Variants in ESR2 observed in about 807,000 individuals in gnomAD.
ESR2 encodes the protein estrogen receptor 2.
Under a neutral mutation model 49.6 loss-of-function variants are expected in ESR2, and 36 were observed. The ratio of observed to expected loss-of-function variants is 0.73; its 90% CI spans 0.56 to 0.96. The LOEUF is 0.96. ESR2 is among the 40% of genes least tolerant of loss of function. The pLI is 0.00. For missense variants in ESR2, 714 were observed against 693.0 expected (o/e 1.03, Z -0.34); for synonymous variants, 320 against 266.1 (o/e 1.20, Z -1.97).
intron 7 of ESR2, among the ~76,000 whole-genome samples, chr14:64,246,939 A>T (rs1420081736): frequency 6.6e-6 from 1 of 151,960 alleles, no homozygotes; most frequent in Admixed American, 6.6e-5. Context: ...TTAACTAGGA[A>T]ATGCTCAAAG....
intron 5 of ESR2, 183 bp downstream of exon 5, chr14:64,260,266 G>A (rs79321532): frequency 7.5e-5 from 58 of 777,264 alleles, no homozygotes; most frequent in Non-Finnish European, 1.3e-4. Flanking sequence ...CGGCCTTGTT[G>A]AAGGTAGGTA....
chr14:64,227,665 T>G (rs572063610), downstream of ESR2: 2 of 1,613,076 alleles, frequency 1.2e-6, no homozygotes, highest in South Asian at 1.1e-5. Flanking sequence ...GGAAGTGTGG[T>G]CTGCATTTCA....
intron 3 of ESR2, among the ~76,000 whole-genome samples, chr14:64,274,938 T>C (rs2076527551): frequency 6.6e-6 from 1 of 152,228 alleles, no homozygotes; most frequent in South Asian, 2.1e-4. Flanking sequence ...TCTAGTTTTA[T>C]TCCATTGTGG....
intron 3 of ESR2, among the ~76,000 whole-genome samples, chr14:64,279,578 T>G (rs2140807221): frequency 6.6e-6 from 1 of 152,350 alleles, no homozygotes; most frequent in East Asian, 1.9e-4. Flanking sequence ...TGTTTATTCT[T>G]TCTTCCTCAG....
chr14:64,229,537 C>A lies in ESR2; in HGVS notation c.*3600G>T, dbSNP rs181936723. On this transcript the variant is annotated 3_prime_UTR_variant, in exon 9 of 9. Transcript: ENST00000341099. ...AGGTAAGGGGGTATCACAAGGGGGC[C>A]CCATTTAAATCACAGCAGCCGTGCA... is the stretch of plus-strand genomic sequence containing the variant. Among the ~76,000 whole-genome samples the A allele has an allele frequency of 6.6e-6, 1 of 152,154 alleles. No individual in the cohort carries two copies. The highest frequency in any genetic ancestry group is 6.5e-5 in the Admixed American group (1 of 15,270).
chr14:64,260,671 T>A lies in ESR2; in HGVS notation c.730A>T (p.Lys244Ter). Residue 244 changes from lysine (K) to a stop codon, truncating the protein, a stop_gained, in exon 5 of 9, where the codon AAG becomes TAG. Coordinates refer to ENST00000341099, the MANE Select transcript of ESR2 (RefSeq NM_001437.3). LOFTEE classifies it high-confidence loss of function. ...SADEQLHCAG[K>*]AKRSGGHAPR... is the part of the protein sequence containing the mutation. ...GCGTGGCCGCCACTTCTCTTGGCCTTGCCGGCACAGTGCAGCTGCTCGTCG... is the reference window on the plus strand; with the variant it reads ...GCGTGGCCGCCACTTCTCTTGGCCTAGCCGGCACAGTGCAGCTGCTCGTCG... 6.3e-7 allele frequency: 1 copy of A among 1,583,294 alleles called. No homozygotes were observed. Among genetic ancestry groups the A allele is most frequent in the South Asian group, 1.1e-5 (1 of 87,590 alleles).
At chr14:64,330,730 T>A (rs2077445052) in intron 1 of ESR2, 1 of 152,120 alleles carries the variant, frequency 6.6e-6, no homozygotes, top group African/African-American at 2.4e-5. Flanking sequence ...GAATAATGTT[T>A]AACCAACTAT....
At chr14:64,255,624 C>T (rs1459835565) in intron 6 of ESR2, among the ~76,000 whole-genome samples, 1 of 152,244 alleles carries the variant, frequency 6.6e-6, no homozygotes, top group African/African-American at 2.4e-5. Flanking sequence ...CTCAATCTCC[C>T]ATTTCCAATA....
intron 1 of ESR2, among the ~76,000 whole-genome samples, chr14:64,290,323 G>C (rs560806758): frequency 1.3e-5 from 2 of 152,036 alleles, no homozygotes; most frequent in African/African-American, 4.8e-5. Flanking sequence ...CTCCCACCTC[G>C]GCCTCCCAAA....
downstream of ESR2, chr14:64,227,789 G>A (rs967098818): frequency 6.5e-7 from 1 of 1,547,274 alleles, no homozygotes; most frequent in Non-Finnish European, 8.7e-7. Flanking sequence ...TCAAAGCTCA[G>A]TGTATTCCCA....
At chr14:64,310,222 A>G (rs1449071268) in intron 1 of ESR2, among the ~76,000 whole-genome samples, 5 of 151,284 alleles carry the variant, frequency 3.3e-5, no homozygotes, top group African/African-American at 1.2e-4. Flanking sequence ...GCAGTGAGCC[A>G]AGATCGCGCC....
intron 4 of ESR2, 59 bp from the exon 5 acceptor site, chr14:64,260,807 C>T: frequency 7.2e-7 from 1 of 1,388,926 alleles, no homozygotes. Flanking sequence ...CAAGCAAAAG[C>T]AGCTTGACTT....
chr14:64,325,001 G>C (rs960284138), intron 1 of ESR2, among the ~76,000 whole-genome samples: 2 of 152,128 alleles, frequency 1.3e-5, no homozygotes, highest in Non-Finnish European at 2.9e-5. Context: ...ACATTCCACT[G>C]TTGATGGAGT....
chr14:64,323,018 C>T (rs913202417), intron 1 of ESR2, among the ~76,000 whole-genome samples: 7 of 152,128 alleles, frequency 4.6e-5, no homozygotes, highest in African/African-American at 1.7e-4. Flanking sequence ...GAGGAAGTTG[C>T]AGAATATTTT....
chr14:64,275,128 G>A (rs2076532706), intron 3 of ESR2, among the ~76,000 whole-genome samples: 1 of 152,212 alleles, frequency 6.6e-6, no homozygotes, highest in African/African-American at 2.4e-5. Context: ...CTTTAGTGCA[G>A]ATTAAATCTG....
intron 1 of ESR2, among the ~76,000 whole-genome samples, chr14:64,288,523 A>AT (rs1441106062): frequency 6.6e-6 from 1 of 151,426 alleles, no homozygotes; most frequent in Non-Finnish European, 1.5e-5. Context: ...AATTTTTTCT[A>AT]TTTTTTAGTA....
chr14:64,262,418 G>T (rs919539102), intron 4 of ESR2, among the ~76,000 whole-genome samples: 7 of 152,040 alleles, frequency 4.6e-5, no homozygotes, highest in Non-Finnish European at 1.0e-4. Flanking sequence ...TCCGGCCCAA[G>T]AATTAAGTTT....
intron 4 of ESR2, 63 bp downstream of exon 4, chr14:64,268,732 T>C: frequency 2.2e-6 from 2 of 914,248 alleles, no homozygotes; most frequent in East Asian, 2.4e-5. Context: ...CTGTCCCCAG[T>C]TCCTCAGAGG....
intron 4 of ESR2, among the ~76,000 whole-genome samples, chr14:64,268,374 C>G (rs1003307053): frequency 6.6e-6 from 1 of 152,202 alleles, no homozygotes; most frequent in African/African-American, 2.4e-5. Context: ...CAGTAACCCA[C>G]AAGATATCCT....
Sources: allele counts gnomAD v4.1 joint callset (sites outside exome capture counted in the v4.1 genomes callset), GRCh38; gene constraint gnomAD v4.1.1; transcripts MANE v1.5; gene names NCBI Gene and HGNC (gene_info 2026-07-23, HGNC 2026-07-21).